Variants in NYAP2 observed in about 807,000 individuals in gnomAD.
NYAP2 encodes neuronal tyrosine-phosphorylated phosphoinositide-3-kinase adapter 2.
NYAP2 carries 23 observed loss-of-function variants against 50.4 expected under a neutral mutation model. That is an observed-to-expected ratio of 0.46 (90% CI 0.33 to 0.65). The LOEUF (loss-of-function observed/expected upper bound fraction) is 0.65, where lower values mean the gene tolerates loss of function less well. Ranked by LOEUF, NYAP2 falls within the 30% of genes least tolerant of loss-of-function variation. The pLI is 0.02. For synonymous variants in NYAP2, 394 were observed against 365.2 expected, an observed-to-expected ratio of 1.08 and a Z score of -0.90; for missense variants, 885 against 861.0, an observed-to-expected ratio of 1.03 and a Z score of -0.35.
intron 5 of NYAP2, among the ~76,000 whole-genome samples, chr2:225,626,083 G>T (rs1289710621): frequency 6.6e-6 from 1 of 152,180 alleles, no homozygotes; most frequent in Non-Finnish European, 1.5e-5. Flanking sequence ...TTGGATAGTT[G>T]GTTGGACAGA....
At chr2:225,638,206 G>A (rs1200693093) in intron 6 of NYAP2, among the ~76,000 whole-genome samples, 2 of 151,120 alleles carry the variant, frequency 1.3e-5, no homozygotes, top group Admixed American at 1.3e-4. Context: ...TGGGAGGGGG[G>A]TGAGAGAGAG....
At chr2:225,514,993 A>C (rs896201098) in intron 4 of NYAP2, among the ~76,000 whole-genome samples, 4 of 152,210 alleles carry the variant, frequency 2.6e-5, no homozygotes, top group Non-Finnish European at 5.9e-5. Flanking sequence ...TCTCATAGGC[A>C]GTCCATGAGA....
the NYAP2 span, among the ~76,000 whole-genome samples, chr2:225,678,894 T>A: frequency 6.6e-6 from 1 of 152,118 alleles, no homozygotes; most frequent in East Asian, 1.9e-4. Context: ...AGGTGCCTTA[T>A]CTGAAAAATA....
chr2:225,601,655 A>C (rs1012986853), intron 5 of NYAP2, among the ~76,000 whole-genome samples: 1 of 152,120 alleles, frequency 6.6e-6, no homozygotes, highest in African/African-American at 2.4e-5. Context: ...GCATCTTTTC[A>C]CATGCTTATT....
At chr2:225,512,824 TCTCTCTCTCTC>T (rs1690848209) in intron 3 of NYAP2, among the ~76,000 whole-genome samples, 2 of 53,210 alleles carry the variant, frequency 3.8e-5, no homozygotes, top group African/African-American at 2.0e-4. Flanking sequence ...TTTCTTTCTC[TCTCTCTCTCTC>T]TCTTTCTTTC....
intron 5 of NYAP2, among the ~76,000 whole-genome samples, chr2:225,607,053 C>T (rs1178807334): frequency 6.6e-6 from 1 of 152,126 alleles, no homozygotes; most frequent in African/African-American, 2.4e-5. Flanking sequence ...TAGGGGGACA[C>T]TTCTCATCAA....
At chr2:225,583,120 C>T (rs1692328669) in intron 5 of NYAP2, 85 bp downstream of exon 5, 1 of 1,448,756 alleles carries the variant, frequency 6.9e-7, no homozygotes, top group Admixed American at 2.4e-5. Flanking sequence ...AGATAACGCA[C>T]AGAGTACGGG....
intron 3 of NYAP2, among the ~76,000 whole-genome samples, chr2:225,414,639 A>G (rs1014545540): frequency 6.6e-6 from 1 of 152,084 alleles, no homozygotes; most frequent in African/African-American, 2.4e-5. Context: ...TCCGGCCACA[A>G]ACATCCCTTA....
At position 225,441,499 on chromosome 2, in the gene NYAP2, A is replaced by G. The variant is rs192440461; in HGVS notation, c.221+32398A>G. The stretch of plus-strand genomic sequence containing the variant: ...ATAAAGATACTACATGAGACTGGCT[A>G]ATTTATGAAGAAAAGAGATTTAATT... On this transcript the variant is annotated intron_variant, in intron 3 of 6. Transcript: ENST00000636099. 5.9e-5 allele frequency among the ~76,000 whole-genome samples: 9 copies of G among 152,304 alleles called. No individual in the cohort carries two copies. The East Asian group carries it at 1.7e-3, about 29-fold the overall frequency.
At chr2:225,506,758 T>A (rs1690714345) in intron 3 of NYAP2, among the ~76,000 whole-genome samples, 1 of 152,168 alleles carries the variant, frequency 6.6e-6, no homozygotes. Context: ...CATGAAAGAT[T>A]CCAAGAGTTA....
chr2:225,416,265 C>A (rs952796312), intron 3 of NYAP2, among the ~76,000 whole-genome samples: 4 of 152,188 alleles, frequency 2.6e-5, no homozygotes, highest in Middle Eastern at 3.4e-3. Flanking sequence ...GTTAAAAAAT[C>A]AAATGCATGG....
At chr2:225,526,855 C>G (rs577837739) in intron 4 of NYAP2, among the ~76,000 whole-genome samples, 3 of 152,296 alleles carry the variant, frequency 2.0e-5, no homozygotes, top group Non-Finnish European at 4.4e-5. Flanking sequence ...GAGATTATAA[C>G]TGAAGGCCCA....
chr2:225,694,815 T>C, the NYAP2 span, among the ~76,000 whole-genome samples: 1 of 151,922 alleles, frequency 6.6e-6, no homozygotes, highest in African/African-American at 2.4e-5. Context: ...GTTTGAATTA[T>C]TGTCTGATAC....
chr2:225,442,644 C>T (rs1268064758), intron 3 of NYAP2, among the ~76,000 whole-genome samples: 5 of 152,180 alleles, frequency 3.3e-5, no homozygotes, highest in African/African-American at 9.6e-5. Flanking sequence ...GGCACCATCT[C>T]GGCTCACTGC....
At chr2:225,412,189 C>A (rs1695054010) in intron 3 of NYAP2, among the ~76,000 whole-genome samples, 1 of 148,036 alleles carries the variant, frequency 6.8e-6, no homozygotes, top group South Asian at 2.1e-4. Flanking sequence ...TATCTCTTGA[C>A]CTCATGATCC....
At chr2:225,549,211 A>G (rs913578193) in intron 4 of NYAP2, among the ~76,000 whole-genome samples, 5 of 152,154 alleles carry the variant, frequency 3.3e-5, no homozygotes, top group South Asian at 2.1e-4. Flanking sequence ...AGTTTTCTCT[A>G]CTTCCAAGAA....
intron 5 of NYAP2, among the ~76,000 whole-genome samples, chr2:225,595,780 C>A (rs1692585946): frequency 6.6e-6 from 1 of 152,110 alleles, no homozygotes; most frequent in Non-Finnish European, 1.5e-5. Context: ...ATTCTATGTC[C>A]AGCCATAGTT....
At position 225,617,948 on chromosome 2, in the gene NYAP2, G is replaced by T. The variant is rs145991768; in HGVS notation, c.1619-8969G>T. On this transcript the variant is annotated intron_variant, in intron 5 of 6. Transcript: ENST00000636099. ...CACTGAGGACTCTATTAGATACTGA[G>T]TACCAATGTGAAAGATGTAGTCTTT... 1.7e-3 allele frequency among the ~76,000 whole-genome samples: 266 copies of T among 152,288 alleles called. 1 individual carries two copies. Among genetic ancestry groups the T allele is most frequent in the African/African-American group, 6.0e-3 (251 of 41,562 alleles).
At chr2:225,472,427 G>C (rs919182379) in intron 3 of NYAP2, among the ~76,000 whole-genome samples, 3 of 152,214 alleles carry the variant, frequency 2.0e-5, no homozygotes, top group Admixed American at 1.3e-4. Flanking sequence ...ATGTGAGTGT[G>C]TTTGGCTAAC....
Sources: allele counts gnomAD v4.1 joint callset (sites outside exome capture counted in the v4.1 genomes callset), GRCh38; gene constraint gnomAD v4.1.1; transcripts MANE v1.5; gene names NCBI Gene and HGNC (gene_info 2026-07-23, HGNC 2026-07-21).